The following IGF2R variants were observed in gnomAD, a reference collection of about 807,000 sequenced individuals.
The protein encoded by IGF2R is cation-independent mannose-6-phosphate receptor.
Under a neutral mutation model 270.6 loss-of-function variants are expected in IGF2R, and 91 were observed. The ratio of observed to expected loss-of-function variants is 0.34; its 90% CI spans 0.28 to 0.40. IGF2R has a LOEUF of 0.40. IGF2R is among the 10% of genes least tolerant of loss of function. The pLI, the probability that IGF2R is intolerant of heterozygous loss-of-function variation, is 1.00. For missense variants in IGF2R, 2,805 were observed against 3,188.3 expected (o/e 0.88, Z 2.90); for synonymous variants, 1,316 against 1,258.9 (o/e 1.05, Z -0.96).
rs598558 is a variant in IGF2R, at chr6:160,011,712, T to A, written c.513+927T>A. 3.0e-3 allele frequency among the ~76,000 whole-genome samples: 451 copies of A among 152,222 alleles called. 2 individuals carry two copies. The highest frequency in any genetic ancestry group is 5.7e-3 in the Non-Finnish European group (387 of 68,012). On this transcript the variant is annotated intron_variant, in intron 4 of 47. Coordinates refer to ENST00000356956, the MANE Select transcript of IGF2R (RefSeq NM_000876.4). ...GGAATGTCCCCTTCCCCAGCCTGGATTCCCTCATGTTGCACTGCTACTTGA... is the reference window on the plus strand; with the variant it reads ...GGAATGTCCCCTTCCCCAGCCTGGAATCCCTCATGTTGCACTGCTACTTGA...
intron 7 of IGF2R, among the ~76,000 whole-genome samples, chr6:160,030,397 A>G (rs980088647): frequency 6.6e-6 from 1 of 152,140 alleles, no homozygotes; most frequent in African/African-American, 2.4e-5. Context: ...CCCCAAGCAA[A>G]TGTGGAATTT....
At chr6:160,026,256 A>G (rs1777559248) in intron 5 of IGF2R, among the ~76,000 whole-genome samples, 1 of 152,222 alleles carries the variant, frequency 6.6e-6, no homozygotes, top group Admixed American at 6.5e-5. Context: ...AAATTTCATA[A>G]TTCCACATAA....
intron 4 of IGF2R, among the ~76,000 whole-genome samples, chr6:160,017,927 A>G (rs549021465): frequency 4.6e-5 from 7 of 152,326 alleles, no homozygotes; most frequent in Admixed American, 4.6e-4. Context: ...AAACACTCTT[A>G]TAAAACAATT....
intron 4 of IGF2R, among the ~76,000 whole-genome samples, chr6:160,019,756 A>G (rs1777389721): frequency 6.6e-6 from 1 of 152,218 alleles, no homozygotes; most frequent in Non-Finnish European, 1.5e-5. Context: ...GATGAAATTC[A>G]ACATCCCTTA....
chr6:160,002,923 C>T (rs1358829017), intron 2 of IGF2R, among the ~76,000 whole-genome samples: 1 of 152,130 alleles, frequency 6.6e-6, no homozygotes, highest in East Asian at 1.9e-4. Context: ...AATTAATCTT[C>T]TGAGGATTAC....
At chr6:159,999,853 G>A (rs1583250363) in intron 2 of IGF2R, among the ~76,000 whole-genome samples, 1 of 152,142 alleles carries the variant, frequency 6.6e-6, no homozygotes, top group Non-Finnish European at 1.5e-5. Flanking sequence ...AAAAAAATTA[G>A]TAACATATAG....
intron 29 of IGF2R, 75 bp from the exon 30 acceptor site, chr6:160,068,174 G>T: frequency 1.3e-6 from 2 of 1,503,576 alleles, no homozygotes; most frequent in Middle Eastern, 1.8e-4. Context: ...ATACTTGAAC[G>T]TTTCTAGACA....
chr6:160,078,022 G>T (rs887056056), intron 36 of IGF2R, among the ~76,000 whole-genome samples, 179 bp from the exon 37 acceptor site: 1 of 152,236 alleles, frequency 6.6e-6, no homozygotes, highest in African/African-American at 2.4e-5. Context: ...GGGGGCAAGG[G>T]CAGGGTGATG....
chr6:160,044,085 T>C (rs1046266343), intron 12 of IGF2R, among the ~76,000 whole-genome samples: 1 of 152,254 alleles, frequency 6.6e-6, no homozygotes, highest in African/African-American at 2.4e-5. Flanking sequence ...GCTTTGGATA[T>C]GAGACACATT....
At chr6:159,971,076 T>C (rs1268297110) in intron 1 of IGF2R, among the ~76,000 whole-genome samples, 1 of 152,192 alleles carries the variant, frequency 6.6e-6, no homozygotes, top group African/African-American at 2.4e-5. Context: ...CAAGGCCCTG[T>C]CTCAAAAATA....
At chr6:159,991,453 A>G in intron 2 of IGF2R, 130 bp downstream of exon 2, 1 of 709,046 alleles carries the variant, frequency 1.4e-6, no homozygotes, top group Non-Finnish European at 2.3e-6. Flanking sequence ...AGTGTTTATA[A>G]TACATAATAC....
At position 160,096,702 on chromosome 6, in the gene IGF2R, C is replaced by G; in HGVS notation, c.6842+77C>G. The G allele has an allele frequency of 6.7e-6, 8 of 1,201,694 alleles. No homozygotes were observed. The South Asian group carries it at 1.3e-4, about 20-fold the overall frequency. The allele number at this position is 1,201,694 out of a possible 1,614,324, so 74.4% of individuals were successfully genotyped here. A position where few individuals can be genotyped will look rare whatever the true frequency, so the allele number is the denominator to read the frequency against. Reference sequence around the variant, plus strand: ...GAATAAGTGTATGTGTGTTTTTTCCCCAATGTTTTCTTGTGAAATATTCAG... The same window carrying G: ...GAATAAGTGTATGTGTGTTTTTTCCGCAATGTTTTCTTGTGAAATATTCAG... On this transcript the variant is annotated intron_variant, in intron 45 of 47. Transcript: ENST00000356956.
chr6:159,975,117 C>G (rs989042917), intron 1 of IGF2R, among the ~76,000 whole-genome samples: 28 of 152,124 alleles, frequency 1.8e-4, no homozygotes, highest in African/African-American at 6.0e-4. Flanking sequence ...GCTCAGTTCC[C>G]GAGACCGCTC....
At position 160,046,603 on chromosome 6, in the gene IGF2R, G is replaced by C. The variant is rs762960811; in HGVS notation, c.2009G>C (p.Ser670Thr). 1 of 1,613,630 alleles carries C rather than the reference G, an allele frequency of 6.2e-7. No individual in the cohort carries two copies. The highest frequency in any genetic ancestry group is 1.3e-5 in the African/African-American group (1 of 74,966). ...YINVCGPVSV[S>T]PCQPDSGACQ... Reference sequence around the variant, plus strand: ...AATGTGTGTGGCCCGGTGTCTGTGAGCCCCTGTCAGCCAGACTCAGGAGCC... The same window carrying C: ...AATGTGTGTGGCCCGGTGTCTGTGACCCCCTGTCAGCCAGACTCAGGAGCC... Residue 670 changes from serine to threonine, a missense_variant, in exon 15 of 48, where the codon AGC (serine) becomes ACC (threonine). Ser to Thr is a moderately conservative substitution (Grantham distance 58). Transcript: ENST00000356956.
chr6:160,061,932 T>C lies in IGF2R; in HGVS notation c.3582+4T>C. The C allele has an allele frequency of 6.2e-7, 1 of 1,613,884 alleles. No homozygotes were observed. The highest frequency in any genetic ancestry group is 8.5e-7 in the Non-Finnish European group (1 of 1,179,836). Reference sequence around the variant, plus strand: ...GTTTGAGTGTGCTCAGATATCGGTGTGTGTTCAGACCAGCAATGAGATGTT... The same window carrying C: ...GTTTGAGTGTGCTCAGATATCGGTGCGTGTTCAGACCAGCAATGAGATGTT... On this transcript the variant is annotated splice_donor_region_variant and intron_variant, in intron 25 of 47. Coordinates refer to ENST00000356956, the MANE Select transcript of IGF2R (RefSeq NM_000876.4).
rs1778468430 is a variant in IGF2R, at chr6:160,062,722, G to T, written c.3670+103G>T. The T allele has an allele frequency of 1.4e-5, 11 of 780,564 alleles. No homozygotes were observed. The East Asian group carries it at 2.8e-4, about 20-fold the overall frequency. 48.4% of individuals were successfully genotyped at this position (780,564 alleles called of 1,614,324 possible). A position where few individuals can be genotyped will look rare whatever the true frequency, so the allele number is the denominator to read the frequency against. Reference sequence around the variant, plus strand: ...GACCGTGTGATAACAGCCATAGCTGGGGTCATGAGACACACGCTAGGGGGA... The same window carrying T: ...GACCGTGTGATAACAGCCATAGCTGTGGTCATGAGACACACGCTAGGGGGA... On this transcript the variant is annotated intron_variant, in intron 26 of 47. Transcript: ENST00000356956.
At chr6:160,104,611 A>G in intron 47 of IGF2R, 63 bp from the exon 48 acceptor site, 1 of 1,533,110 alleles carries the variant, frequency 6.5e-7, no homozygotes, top group Admixed American at 1.8e-5. Flanking sequence ...GATGTGGTGG[A>G]TGGTGGAGCA....
At chr6:160,064,655 C>A (rs1011164159) in intron 28 of IGF2R, 124 bp downstream of exon 28, 5 of 1,203,832 alleles carry the variant, frequency 4.2e-6, no homozygotes, top group Non-Finnish European at 6.0e-6. Flanking sequence ...TTAAAATAAC[C>A]ATTTACAGAA....
intron 19 of IGF2R, among the ~76,000 whole-genome samples, chr6:160,054,160 G>A (rs555321903): frequency 4.3e-4 from 66 of 152,276 alleles, no homozygotes; most frequent in African/African-American, 1.5e-3. Flanking sequence ...GCGCTGGGAG[G>A]GAGGAAGACT....
Sources: allele counts gnomAD v4.1 joint callset (sites outside exome capture counted in the v4.1 genomes callset), GRCh38; gene constraint gnomAD v4.1.1; transcripts MANE v1.5; gene names NCBI Gene and HGNC (gene_info 2026-07-23, HGNC 2026-07-21).